Variants in PCDH17 observed in about 807,000 individuals in gnomAD.
The protein encoded by PCDH17 is protocadherin-17.
Under a neutral mutation model 67.7 loss-of-function variants are expected in PCDH17, and 21 were observed. The ratio of observed to expected loss-of-function variants is 0.31; its 90% confidence interval spans 0.22 to 0.45. PCDH17 has a LOEUF of 0.45. Among genes scored for constraint, PCDH17 ranks in the 20% least tolerant of loss-of-function variants. PCDH17 has a pLI of 1.00. For missense variants in PCDH17, 1,471 were observed against 1,564.8 expected (o/e 0.94, Z 1.01); for synonymous variants, 701 against 656.7 (o/e 1.07, Z -1.03).
intron 3 of PCDH17, among the ~76,000 whole-genome samples, chr13:57,676,385 G>A (rs1593919598): frequency 6.6e-6 from 1 of 151,818 alleles, no homozygotes; most frequent in East Asian, 1.9e-4. Context: ...ACAGGGTGAG[G>A]TCACTGCAGG....
intron 3 of PCDH17, among the ~76,000 whole-genome samples, chr13:57,722,617 A>T (rs1205034268): frequency 6.6e-6 from 1 of 151,942 alleles, no homozygotes; most frequent in Non-Finnish European, 1.5e-5. Context: ...CTATGTATTT[A>T]TTTACTTATT....
intron 3 of PCDH17, among the ~76,000 whole-genome samples, chr13:57,669,761 A>C (rs1417029320): frequency 6.6e-6 from 1 of 152,068 alleles, no homozygotes; most frequent in Admixed American, 6.6e-5. Flanking sequence ...ATATGGCTCT[A>C]ACTTTTCTAT....
intron 3 of PCDH17, among the ~76,000 whole-genome samples, chr13:57,723,717 G>A (rs1332299515): frequency 6.6e-6 from 1 of 152,124 alleles, no homozygotes; most frequent in African/African-American, 2.4e-5. Flanking sequence ...AAATATTGGG[G>A]TCAATGGAAG....
chr13:57,652,038 G>A (rs1362354408), intron 1 of PCDH17, among the ~76,000 whole-genome samples: 1 of 151,986 alleles, frequency 6.6e-6, no homozygotes, highest in Non-Finnish European at 1.5e-5. Flanking sequence ...CAGCACTTTG[G>A]GAGGCTGAGG....
intron 1 of PCDH17, among the ~76,000 whole-genome samples, chr13:57,649,154 C>A (rs1327972535): frequency 6.6e-6 from 1 of 152,086 alleles, no homozygotes. Context: ...AATCCCATTT[C>A]ACAGCTTTCC....
Position 57,632,888 on chromosome 13 carries a change from G to T in PCDH17, c.342G>T (p.Glu114Asp). 1 of 1,614,076 alleles carries T rather than the reference G, an allele frequency of 6.2e-7. No homozygotes were observed. The highest frequency in any genetic ancestry group is 1.1e-5 in the South Asian group (1 of 91,084). ...TCGAGGTGTTCGCCAACGACAAGGA[G>T]ATCTGCATGATCAAGGTAGAGATCC... ...LSLEVFANDK[E>D]ICMIKVEIQD... is the part of the protein sequence containing the mutation. The change falls in exon 1 of 4, where the codon GAG becomes GAT. Residue 114 changes from glutamate (E) to aspartate (D), a missense_variant. Physicochemically the swap from Glu to Asp is conservative, Grantham distance 45. This residue lies in a region of PCDH17 where 1,163 missense variants were observed against 1,230.0 expected (regional missense o/e 0.95). Transcript: ENST00000377918.
intron 1 of PCDH17, among the ~76,000 whole-genome samples, chr13:57,660,191 A>G (rs1955166822): frequency 6.6e-6 from 1 of 152,176 alleles, no homozygotes; most frequent in African/African-American, 2.4e-5. Flanking sequence ...GGCTGCAGTG[A>G]GCCACGATCA....
intron 3 of PCDH17, among the ~76,000 whole-genome samples, chr13:57,692,083 TG>T (rs1313977078): frequency 1.3e-5 from 2 of 151,148 alleles, no homozygotes; most frequent in Non-Finnish European, 3.0e-5. Context: ...TAATGTTTCA[TG>T]GGGCAGGCTG....
intron 3 of PCDH17, among the ~76,000 whole-genome samples, chr13:57,669,414 CTCA>C (rs1470709895): frequency 6.6e-6 from 1 of 151,970 alleles, no homozygotes; most frequent in African/African-American, 2.4e-5. Context: ...TTTCTCTCCT[CTCA>C]TCTTTCTGTG....
In PCDH17 at chr13:57,640,637, G is replaced by A. The variant is rs552699533; in HGVS notation, c.2565+5526G>A. 2.6e-5 allele frequency among the ~76,000 whole-genome samples: 4 copies of A among 152,118 alleles called. No individual in the cohort carries two copies. The South Asian group carries it at 8.3e-4, about 32-fold the overall frequency. ...GGGGGGACTTAACACGTGGCCTTCAGTGGGCAATAGGTTGAAGCCTATGTA... is the reference window on the plus strand; with the variant it reads ...GGGGGGACTTAACACGTGGCCTTCAATGGGCAATAGGTTGAAGCCTATGTA... On this transcript the variant is annotated intron_variant, in intron 1 of 3. Transcript: ENST00000377918.
intron 3 of PCDH17, among the ~76,000 whole-genome samples, chr13:57,682,747 G>A (rs1043834324): frequency 2.6e-5 from 4 of 151,734 alleles, no homozygotes; most frequent in Admixed American, 6.6e-5. Context: ...AAGATTGATC[G>A]AGTATTAAGA....
At chr13:57,703,639 A>T (rs963528324) in intron 3 of PCDH17, among the ~76,000 whole-genome samples, 1 of 152,164 alleles carries the variant, frequency 6.6e-6, no homozygotes, top group Non-Finnish European at 1.5e-5. Flanking sequence ...TTTTTAGAAC[A>T]ATTGCACAGC....
chr13:57,687,641 C>CTGTA (rs1417934546), intron 3 of PCDH17, among the ~76,000 whole-genome samples: 9 of 151,490 alleles, frequency 5.9e-5, no homozygotes, highest in Admixed American at 2.6e-4. Flanking sequence ...CATTATTGAC[C>CTGTA]TGTACAGTGC....
chr13:57,702,601 T>C (rs755117296), intron 3 of PCDH17, among the ~76,000 whole-genome samples: 11 of 152,158 alleles, frequency 7.2e-5, no homozygotes, highest in Non-Finnish European at 1.6e-4. Context: ...AATCCACATA[T>C]TCAAGTTGAA....
chr13:57,650,542 A>G (rs890596992), intron 1 of PCDH17, among the ~76,000 whole-genome samples: 1 of 152,100 alleles, frequency 6.6e-6, no homozygotes, highest in Non-Finnish European at 1.5e-5. Flanking sequence ...CCTGATATTC[A>G]GATATCCATG....
In PCDH17 at chr13:57,633,379, T is replaced by C; in HGVS notation, c.833T>C (p.Val278Ala). The C allele has an allele frequency of 6.2e-7, 1 of 1,613,252 alleles. No homozygotes were observed. Among genetic ancestry groups the C allele is most frequent in the Non-Finnish European group, 8.5e-7 (1 of 1,179,992 alleles). ...GCCGATGAAGGTCCCAATGGTGAAG[T>C]GCTCTACTCTTTCAGCAGCTACGTG... Reference protein sequence around the residue: ...TDADEGPNGEVLYSFSSYVPD... With the variant: ...TDADEGPNGEALYSFSSYVPD... The change falls in exon 1 of 4, where the codon GTG becomes GCG. Residue 278 changes from valine (V) to alanine (A), a missense_variant. By Grantham distance (64) the Val-to-Ala change is moderately conservative. Coordinates refer to ENST00000377918, the MANE Select transcript of PCDH17 (RefSeq NM_001040429.3). The surrounding 1 kb of genome is among the most constrained non-coding windows in gnomAD (Gnocchi z 6.2).
At chr13:57,697,568 A>T (rs1394926756) in intron 3 of PCDH17, among the ~76,000 whole-genome samples, 3 of 151,492 alleles carry the variant, frequency 2.0e-5, no homozygotes, top group Admixed American at 6.6e-5. Flanking sequence ...ATAACATGTT[A>T]CTACCAAAAG....
intron 1 of PCDH17, among the ~76,000 whole-genome samples, chr13:57,649,723 C>T (rs1032428520): frequency 2.6e-5 from 4 of 152,116 alleles, no homozygotes; most frequent in African/African-American, 9.7e-5. Flanking sequence ...ATGCTTTCAG[C>T]TTGAGCTATT....
chr13:57,656,145 A>G (rs1955100471), intron 1 of PCDH17, among the ~76,000 whole-genome samples: 1 of 152,142 alleles, frequency 6.6e-6, no homozygotes, highest in Non-Finnish European at 1.5e-5. Flanking sequence ...AATAATAAAC[A>G]TCACTACAGT....
Sources: gnomAD v4.1 joint callset for allele counts (sites outside exome capture counted in the v4.1 genomes callset) on GRCh38, gnomAD v4.1.1 for gene constraint, gnomAD v4.1.1 regional missense constraint, Gnocchi (gnomAD v3.1) non-coding constraint, MANE v1.5 for transcripts, NCBI Gene and HGNC (gene_info 2026-07-23, HGNC 2026-07-21) for gene names.